The following CELSR2 variants were observed in gnomAD, a reference collection of about 807,000 sequenced individuals.
CELSR2 encodes cadherin EGF LAG seven-pass G-type receptor 2, also known as EGF-like protein 2.
Under a neutral mutation model 251.6 loss-of-function variants are expected in CELSR2, and 81 were observed. The observed-to-expected ratio is 0.32, with a 90% CI of 0.27 to 0.39. The LOEUF is 0.39. Among genes scored for constraint, CELSR2 ranks in the 10% least tolerant of loss-of-function variants. The pLI is 1.00. For synonymous variants in CELSR2, 1,721 were observed against 1,670.5 expected, an observed-to-expected ratio of 1.03 and a Z score of -0.74; for missense variants, 3,365 against 3,947.7, an observed-to-expected ratio of 0.85 and a Z score of 3.96.
Position 109,268,049 on chromosome 1 carries a change from C to T in CELSR2, c.6307C>T (p.His2103Tyr), listed in dbSNP as rs751942488. Residue 2103 changes from histidine to tyrosine, a missense_variant, in exon 17 of 34, where the codon CAC (histidine) becomes TAC (tyrosine). His to Tyr is a moderately conservative substitution (Grantham distance 83). Coordinates refer to ENST00000271332, the MANE Select transcript of CELSR2 (RefSeq NM_001408.3). ...GFGLSATQDV[H>Y]FTENLLRVGS... ...TGGGCTGTCTGCCACACAGGACGTG[C>T]ACTTCACTGAGGTGGGGCTTGGAGG... 11 of 1,597,888 alleles carry T rather than the reference C, an allele frequency of 6.9e-6. No individual in the cohort carries two copies. In the South Asian group the frequency reaches 1.1e-4, roughly 16 times the overall value.
intron 15 of CELSR2, among the ~76,000 whole-genome samples, chr1:109,266,954 C>T (rs867447882): frequency 1.3e-5 from 2 of 151,992 alleles, no homozygotes; most frequent in African/African-American, 2.4e-5. Flanking sequence ...ATCTCTTGAC[C>T]TTGTGATCAG....
At chr1:109,264,033 AT>A (rs1656112455) in intron 9 of CELSR2, 44 bp from the exon 10 acceptor site, 1 of 1,537,512 alleles carries the variant, frequency 6.5e-7, no homozygotes, top group Non-Finnish European at 8.8e-7. Flanking sequence ...GAGAACAGTG[AT>A]TAAGGCCGTC....
intron 33 of CELSR2, 170 bp from the exon 34 acceptor site, chr1:109,273,852 C>T (rs7521036): frequency 9.3e-7 from 1 of 1,078,984 alleles, no homozygotes; most frequent in African/African-American, 1.6e-5. Flanking sequence ...GGGAGGGCCA[C>T]CCCTCCTAGG....
In CELSR2 at chr1:109,275,709, T is replaced by C. The variant is rs1656514096; in HGVS notation, c.*1660T>C. The C allele has an allele frequency of 6.6e-6, 1 of 152,256 alleles. No individual in the cohort carries two copies. 9.4% of individuals were successfully genotyped at this position (152,256 alleles called of 1,614,324 possible). On this transcript the variant is annotated 3_prime_UTR_variant, in exon 34 of 34. Coordinates refer to ENST00000271332, the MANE Select transcript of CELSR2 (RefSeq NM_001408.3). ...GGGTAGCGTTTTGTTGTTGTTGTTT[T>C]TTCATGCCCCATACTACTGAATAAA... is the stretch of plus-strand genomic sequence containing the variant.
chr1:109,273,714 G>A, intron 33 of CELSR2, 44 bp downstream of exon 33: 1 of 1,392,966 alleles, frequency 7.2e-7, no homozygotes, highest in South Asian at 1.5e-5. Context: ...GCCCCTCGGA[G>A]GCCTCACCTG....
rs1570797718 is a variant in CELSR2 at position 109,274,421 on chromosome 1, A to G, written c.*372A>G. 6.7e-6 allele frequency: 2 copies of G among 298,618 alleles called. No homozygotes were observed. The highest frequency in any genetic ancestry group is 2.2e-5 in the African/African-American group (1 of 46,434). The allele number at this position is 298,618 out of a possible 1,614,324, so 18.5% of individuals were successfully genotyped here. A position where few individuals can be genotyped will look rare whatever the true frequency, so the allele number is the denominator to read the frequency against. ...TCCCCTTTCCCTTCCCAAAGAGGAT[A>G]GGACCTCCCAGGATGCTTCCCAGCC... On this transcript the variant is annotated 3_prime_UTR_variant, in exon 34 of 34. Coordinates refer to ENST00000271332, the MANE Select transcript of CELSR2 (RefSeq NM_001408.3).
At position 109,261,306 on chromosome 1, in the gene CELSR2, G is replaced by A. The variant is rs760587348; in HGVS notation, c.4181+42G>A. The A allele has an allele frequency of 3.0e-5, 47 of 1,573,852 alleles. No individual in the cohort carries two copies. In the Admixed American group the frequency reaches 7.9e-4, roughly 27 times the overall value. On this transcript the variant is annotated intron_variant, in intron 3 of 33. Transcript: ENST00000271332. The surrounding 1 kb of genome is among the most constrained non-coding windows in gnomAD (Gnocchi z 4.8). ...TGGGGGTGGGGAGTGGGCCTGGTGG[G>A]CATCTGAGGTGCCTCCTGTTCTGTG... is the stretch of plus-strand genomic sequence containing the variant.
At chr1:109,273,868 C>A (rs528466933) in intron 33 of CELSR2, 154 bp from the exon 34 acceptor site, 9 of 1,182,422 alleles carry the variant, frequency 7.6e-6, no homozygotes, top group Non-Finnish European at 1.1e-5. Context: ...CTAGGCTCTA[C>A]GCGGCGCAGC....
chr1:109,263,296 G>T, intron 8 of CELSR2, 29 bp downstream of exon 8: 1 of 1,553,050 alleles, frequency 6.4e-7, no homozygotes, highest in East Asian at 2.3e-5. Flanking sequence ...AGAGGCCACA[G>T]CCTGGGTGCC....
intron 1 of CELSR2, among the ~76,000 whole-genome samples, chr1:109,254,048 C>T (rs1655779406): frequency 6.6e-6 from 1 of 152,234 alleles, no homozygotes; most frequent in Non-Finnish European, 1.5e-5. Flanking sequence ...CATTGTCTGT[C>T]CAAACAGACC....
Position 109,273,501 on chromosome 1 carries a change from G to C in CELSR2, c.8575G>C (p.Glu2859Gln). 1 of 1,610,870 alleles carries C rather than the reference G, an allele frequency of 6.2e-7. No individual in the cohort carries two copies. Among genetic ancestry groups the C allele is most frequent in the South Asian group, 1.1e-5 (1 of 90,554 alleles). The change falls in exon 33 of 34, where the codon GAG becomes CAG. Residue 2859 changes from glutamate to glutamine, a missense_variant. Physicochemically the swap from Glu to Gln is conservative, Grantham distance 29. Transcript: ENST00000271332. ...EKSSLLRLPLEQCTGSSRGSS... is the reference protein window; with the variant it reads ...EKSSLLRLPLQQCTGSSRGSS... ...GAGCAGCCTCCTGCGGCTCCCCCTGGAGCAATGCACAGGGTCTTCCCGGGG... is the reference window on the plus strand; with the variant it reads ...GAGCAGCCTCCTGCGGCTCCCCCTGCAGCAATGCACAGGGTCTTCCCGGGG...
chr1:109,266,031 G>T (rs1232117435), intron 14 of CELSR2, 74 bp from the exon 15 acceptor site: 32 of 1,592,880 alleles, frequency 2.0e-5, no homozygotes, highest in Non-Finnish European at 2.7e-5. Flanking sequence ...GGGAGGCCTA[G>T]GGAGGGCTGG....
chr1:109,266,294 G>T (rs1656185005), intron 15 of CELSR2, 88 bp downstream of exon 15: 2 of 1,498,364 alleles, frequency 1.3e-6, no homozygotes, highest in East Asian at 4.7e-5. Flanking sequence ...CTGAAGATCC[G>T]GGGACCCCAC....
rs200470201 is a variant in CELSR2, at chr1:109,270,908, G to A, written c.7484-19G>A. The stretch of plus-strand genomic sequence containing the variant: ...CCCTCATCACCCCTCCACTGCTCCC[G>A]TCTGTCTCCATGCTCCAGGGCTAGC... On this transcript the variant is annotated intron_variant, in intron 24 of 33. Coordinates refer to ENST00000271332, the MANE Select transcript of CELSR2 (RefSeq NM_001408.3). 4.4e-5 allele frequency: 70 copies of A among 1,585,992 alleles called. No individual in the cohort carries two copies. Among genetic ancestry groups the A allele is most frequent in the African/African-American group, 1.2e-4 (9 of 74,368 alleles).
rs769488701 is a variant in CELSR2 at position 109,251,718 on chromosome 1, G to T, written c.1639G>T (p.Val547Leu). 3.1e-6 allele frequency: 5 copies of T among 1,613,978 alleles called. No individual in the cohort carries two copies. The highest frequency in any genetic ancestry group is 1.6e-4 in the Middle Eastern group (1 of 6,084). The stretch of plus-strand genomic sequence containing the variant: ...CCGCCTGGAATACCGCCTTGCTGGG[G>T]TGGGACATGACTTCCCCTTCACCAT... Reference protein sequence around the residue: ...NARLEYRLAGVGHDFPFTINN... With the variant: ...NARLEYRLAGLGHDFPFTINN... Residue 547 changes from valine to leucine, a missense_variant, in exon 1 of 34, where the codon GTG becomes TTG. Val to Leu is a conservative substitution (Grantham distance 32, BLOSUM62 1). Transcript: ENST00000271332. The surrounding 1 kb of genome is among the most constrained non-coding windows in gnomAD (Gnocchi z 4.9).
chr1:109,269,526 G>C lies in CELSR2; in HGVS notation c.6915G>C (p.Gln2305His), dbSNP rs1304664543. Residue 2305 changes from glutamine (Q) to histidine (H), a missense_variant, in exon 21 of 34, where the codon CAG (glutamine) becomes CAC (histidine). Gln to His is a conservative substitution (Grantham distance 24, BLOSUM62 0). This residue lies in a region of CELSR2 where 2,093 missense variants were observed against 2,382.8 expected (regional missense o/e 0.88). Transcript: ENST00000271332. This position sits in a 1 kb window ranked among gnomAD's most constrained non-coding sequence, Gnocchi z 6.4. Reference sequence around the variant, plus strand: ...CCCTGGACAAACCCGTCACGGTGCAGTTCCGCCTGCTGGAGACAGAGGAGC... The same window carrying C: ...CCCTGGACAAACCCGTCACGGTGCACTTCCGCCTGCTGGAGACAGAGGAGC... ...PRALDKPVTV[Q>H]FRLLETEERT... The C allele has an allele frequency of 6.2e-7, 1 of 1,614,180 alleles. No homozygotes were observed. The highest frequency in any genetic ancestry group is 8.5e-7 in the Non-Finnish European group (1 of 1,180,038).
At position 109,267,696 on chromosome 1, in the gene CELSR2, C is replaced by T. The variant is rs1292179455; in HGVS notation, c.6108+54C>T. On this transcript the variant is annotated intron_variant, in intron 16 of 33. Transcript: ENST00000271332. ...TCCCTGTCCTTCGTCCTGAGTCTCA[C>T]TTGCCCCCACTCCCATCTTTGAGAA... The T allele has an allele frequency of 1.9e-6, 3 of 1,589,360 alleles. No individual in the cohort carries two copies. In the East Asian group the frequency reaches 6.7e-5, roughly 36 times the overall value.
At position 109,264,541 on chromosome 1, in the gene CELSR2, C is replaced by T; in HGVS notation, c.5377C>T (p.Leu1793=). ...CATCAACGTGGAGCAAGGCTGTAGC[C>T]TGCCTGACCCTTGTGACTCAAACCC... The part of the protein sequence containing the change: ...ESINVEQGCS[L]PDPCDSNPCP... Residue 1793 remains leucine (L), a synonymous_variant, in exon 11 of 34, where the codon CTG becomes TTG. Transcript: ENST00000271332. 2.5e-6 allele frequency: 4 copies of T among 1,614,182 alleles called. No homozygotes were observed. The highest frequency in any genetic ancestry group is 3.4e-6 in the Non-Finnish European group (4 of 1,180,032).
Position 109,261,839 on chromosome 1 carries a change from G to T in CELSR2, c.4329G>T (p.Val1443=), listed in dbSNP as rs144375666. The T allele has an allele frequency of 3.1e-5, 49 of 1,594,924 alleles. No individual in the cohort carries two copies. Among genetic ancestry groups the T allele is most frequent in the Non-Finnish European group, 3.9e-5 (46 of 1,169,290 alleles). Residue 1443 remains valine, a synonymous_variant, in exon 5 of 34, where the codon GTG becomes GTT. Transcript: ENST00000271332. This position sits in a 1 kb window ranked among gnomAD's most constrained non-coding sequence, Gnocchi z 4.8. ...GESTTTVSPF[V]PGGVSDGQWH... Reference sequence around the variant, plus strand: ...CAACCACCACGGTGTCCCCATTCGTGCCCGGAGGAGTCAGTGATGGCCAGT... The same window carrying T: ...CAACCACCACGGTGTCCCCATTCGTTCCCGGAGGAGTCAGTGATGGCCAGT...
Sources: allele counts gnomAD v4.1 joint callset (sites outside exome capture counted in the v4.1 genomes callset), GRCh38; gene constraint gnomAD v4.1.1; regional missense constraint gnomAD v4.1.1; non-coding constraint Gnocchi (gnomAD v3.1); transcripts MANE v1.5; gene names NCBI Gene and HGNC (gene_info 2026-07-23, HGNC 2026-07-21).